Variants in LRRC37A2 observed in about 807,000 individuals in gnomAD.
LRRC37A2 encodes the protein leucine rich repeat containing 37 member A2, also known as leucine-rich repeat-containing protein 37A2.
A neutral mutation model predicts 68.8 loss-of-function variants in LRRC37A2; 9 were observed. The observed-to-expected ratio is 0.13, with a 90% CI of 0.08 to 0.23. The LOEUF (loss-of-function observed/expected upper bound fraction) is 0.23, where lower values mean the gene tolerates loss of function less well. Ranked by LOEUF, LRRC37A2 falls within the 10% of genes least tolerant of loss-of-function variation. LRRC37A2 has a pLI of 1.00. For missense variants in LRRC37A2, 168 were observed against 950.4 expected (o/e 0.18, Z 10.82); for synonymous variants, 63 against 367.6 (o/e 0.17, Z 9.48).
At chr17:46,730,271 CTT>C in the LRRC37A2 span, among the ~76,000 whole-genome samples, 10 of 152,082 alleles carry the variant, frequency 6.6e-5, no homozygotes, top group Admixed American at 6.6e-4. Flanking sequence ...GAATGTGAGA[CTT>C]TTTCTAGGCA....
the LRRC37A2 span, chr17:46,721,760 G>T: frequency 1.2e-6 from 2 of 1,602,972 alleles, no homozygotes; most frequent in Admixed American, 1.7e-5. Flanking sequence ...AATTTCGCTT[G>T]GGAAGACCAA....
the LRRC37A2 span, among the ~76,000 whole-genome samples, chr17:46,743,549 T>TCTA: frequency 6.6e-6 from 1 of 152,248 alleles, no homozygotes; most frequent in East Asian, 1.9e-4. Context: ...TGATGGGGCC[T>TCTA]CTACTTCTGT....
chr17:47,026,225 T>G, the LRRC37A2 span, among the ~76,000 whole-genome samples: 3 of 152,096 alleles, frequency 2.0e-5, no homozygotes, highest in South Asian at 6.2e-4. Flanking sequence ...TACTCTAAAC[T>G]TGCAAAAGGA....
the LRRC37A2 span, among the ~76,000 whole-genome samples, chr17:46,797,173 T>C: frequency 2.6e-5 from 4 of 152,230 alleles, no homozygotes; most frequent in Admixed American, 2.6e-4. Flanking sequence ...AAGTTGCCTG[T>C]GGCGATTCTT....
chr17:46,722,124 T>C, the LRRC37A2 span: 1 of 1,611,924 alleles, frequency 6.2e-7, no homozygotes, highest in East Asian at 2.2e-5. Flanking sequence ...CTCGTCCGGC[T>C]TCTCGCCATT....
the LRRC37A2 span, among the ~76,000 whole-genome samples, chr17:47,006,603 C>T: frequency 6.6e-6 from 1 of 152,266 alleles, no homozygotes; most frequent in South Asian, 2.1e-4. Context: ...CAGAGCAAGA[C>T]TCTGTCTCAA....
the LRRC37A2 span, chr17:46,768,258 C>T: frequency 4.3e-6 from 7 of 1,609,362 alleles, no homozygotes; most frequent in Admixed American, 1.0e-4. This position sits in a 1 kb window ranked among gnomAD's most constrained non-coding sequence, Gnocchi z 5.0. Context: ...GGGCAAACAA[C>T]CCCATTCCCT....
chr17:46,981,889 A>T, the LRRC37A2 span, among the ~76,000 whole-genome samples: 1 of 151,962 alleles, frequency 6.6e-6, no homozygotes, highest in Non-Finnish European at 1.5e-5. Context: ...TTTTGTTCAG[A>T]CAGGGTCTCA....
the LRRC37A2 span, chr17:46,769,899 A>C: frequency 6.2e-7 from 1 of 1,613,542 alleles, no homozygotes. Flanking sequence ...TCCTCGCTGC[A>C]GCCGCCCCAC....
the LRRC37A2 span, among the ~76,000 whole-genome samples, chr17:46,855,489 G>A: frequency 1.3e-5 from 2 of 152,118 alleles, no homozygotes; most frequent in Non-Finnish European, 2.9e-5. Context: ...TCATCTCCAA[G>A]GTCAGTAGCA....
the LRRC37A2 span, among the ~76,000 whole-genome samples, chr17:46,995,179 C>T: frequency 1.3e-5 from 2 of 152,162 alleles, no homozygotes; most frequent in Admixed American, 6.5e-5. Context: ...GACAGCCAGG[C>T]TAAGCTGGTT....
the LRRC37A2 span, among the ~76,000 whole-genome samples, chr17:46,895,589 T>C: frequency 1.3e-5 from 2 of 152,216 alleles, no homozygotes; most frequent in African/African-American, 2.4e-5. Context: ...GGCCTCTAGA[T>C]AATTGCTGTT....
the LRRC37A2 span, among the ~76,000 whole-genome samples, chr17:46,915,114 A>G: frequency 2.0e-5 from 3 of 152,240 alleles, no homozygotes; most frequent in Admixed American, 6.5e-5. Flanking sequence ...TGGGACAGGA[A>G]TTCAACCAGA....
the LRRC37A2 span, among the ~76,000 whole-genome samples, chr17:46,782,984 G>A: frequency 6.6e-6 from 1 of 152,346 alleles, no homozygotes; most frequent in Non-Finnish European, 1.5e-5. Context: ...GTGGGAGAGC[G>A]CCAAGGTGCC....
chr17:46,894,353 G>C, the LRRC37A2 span, among the ~76,000 whole-genome samples: 1 of 152,182 alleles, frequency 6.6e-6, no homozygotes, highest in Admixed American at 6.5e-5. Flanking sequence ...TAATAACAAG[G>C]GGGGTCAGCC....
chr17:46,868,913 G>T, the LRRC37A2 span, among the ~76,000 whole-genome samples: 1 of 152,228 alleles, frequency 6.6e-6, no homozygotes, highest in Non-Finnish European at 1.5e-5. Flanking sequence ...GGCTGAGCAT[G>T]TGTCGGATAA....
chr17:46,774,837 A>G, the LRRC37A2 span, among the ~76,000 whole-genome samples: 2 of 152,200 alleles, frequency 1.3e-5, no homozygotes, highest in East Asian at 1.9e-4. Context: ...CAGAAATGAC[A>G]TTTTCTGGGA....
chr17:46,846,822 C>G, the LRRC37A2 span, among the ~76,000 whole-genome samples: 206 of 152,264 alleles, frequency 1.4e-3, no homozygotes, highest in Non-Finnish European at 2.3e-3. Flanking sequence ...GAGAAGGCCT[C>G]GAACTGGAAG....
At chr17:46,868,750 C>A in the LRRC37A2 span, among the ~76,000 whole-genome samples, 1 of 152,170 alleles carries the variant, frequency 6.6e-6, no homozygotes, top group Non-Finnish European at 1.5e-5. Flanking sequence ...CACAGAGGGA[C>A]CCAGTGAGTG....
Sources: allele counts gnomAD v4.1 joint callset (sites outside exome capture counted in the v4.1 genomes callset), GRCh38; gene constraint gnomAD v4.1.1; non-coding constraint Gnocchi (gnomAD v3.1); transcripts MANE v1.5; gene names NCBI Gene and HGNC (gene_info 2026-07-23, HGNC 2026-07-21).